SCTR: variants seen among roughly 807,000 people sequenced by gnomAD.
SCTR encodes pancreatic secretin receptor.
SCTR carries 56 observed loss-of-function variants against 60.8 expected under a neutral mutation model. That is an observed-to-expected ratio of 0.92 (90% CI 0.74 to 1.15). The LOEUF (loss-of-function observed/expected upper bound fraction) is 1.15, where lower values mean the gene tolerates loss of function less well. Ranked by LOEUF, SCTR falls within the 50% of genes most tolerant of loss-of-function variation. SCTR has a pLI of 0.00. For synonymous variants in SCTR, 202 were observed against 217.0 expected (o/e 0.93, Z 0.61); for missense variants, 562 against 550.4 (o/e 1.02, Z -0.21).
rs61231248 is a variant in SCTR at position 119,521,905 on chromosome 2, T to A, written c.72+2250A>T. ...GAGTTCTCAGCCAAGAAGTGTGAGA[T>A]CTAAGGTCTACAGAAGCCGTAAAAT... On this transcript the variant is annotated intron_variant, in intron 1 of 12. Transcript: ENST00000019103. Among the ~76,000 whole-genome samples, 114 of 152,004 alleles carry A rather than the reference T, an allele frequency of 7.5e-4. 1 individual carries two copies. The East Asian group carries it at 0.015, about 20-fold the overall frequency.
chr2:119,503,321 C>A (rs1449358538), intron 1 of SCTR, among the ~76,000 whole-genome samples: 1 of 152,032 alleles, frequency 6.6e-6, no homozygotes, highest in African/African-American at 2.4e-5. Context: ...AATCTCAGCA[C>A]TTTAGGAGGC....
At chr2:119,444,346 T>A (rs1427207443) in intron 11 of SCTR, among the ~76,000 whole-genome samples, 1 of 147,922 alleles carries the variant, frequency 6.8e-6, no homozygotes, top group Non-Finnish European at 1.5e-5. Context: ...TATACACATA[T>A]ATACGTATGA....
At chr2:119,513,703 G>A (rs1200588123) in intron 1 of SCTR, among the ~76,000 whole-genome samples, 5 of 152,050 alleles carry the variant, frequency 3.3e-5, no homozygotes, top group Non-Finnish European at 7.4e-5. Flanking sequence ...AAAATTCACA[G>A]GCCTTCACCT....
At chr2:119,458,639 T>C (rs1683476831) in intron 7 of SCTR, among the ~76,000 whole-genome samples, 1 of 152,146 alleles carries the variant, frequency 6.6e-6, no homozygotes, top group Admixed American at 6.5e-5. Flanking sequence ...TCTTAGTGCT[T>C]TGGGCAAAGA....
chr2:119,461,710 TCAAA>T lies in SCTR; in HGVS notation c.790+133_790+136del. 8.8e-6 allele frequency: 4 copies of T among 452,500 alleles called. No individual in the cohort carries two copies. In the East Asian group the frequency reaches 1.7e-4, roughly 19 times the overall value. 28.0% of individuals were successfully genotyped at this position (452,500 alleles called of 1,614,324 possible). On this transcript the variant is annotated intron_variant, in intron 7 of 12. Transcript: ENST00000019103. ...TGGGCAACAAGAGCAAAACTCCAAC[TCAAA>T]AAAAAAAAAAAAAAAAAAGATTACA...
intron 1 of SCTR, among the ~76,000 whole-genome samples, chr2:119,501,150 C>A (rs1394469220): frequency 3.3e-5 from 5 of 152,152 alleles, no homozygotes; most frequent in African/African-American, 1.2e-4. Flanking sequence ...GTGGCTCATG[C>A]CTGTAATCCC....
intron 1 of SCTR, among the ~76,000 whole-genome samples, chr2:119,510,439 G>A (rs763620036): frequency 1.1e-4 from 16 of 152,130 alleles, no homozygotes; most frequent in East Asian, 1.9e-4. Context: ...TGCTGGGAGC[G>A]CCTGGGAAGA....
At position 119,446,883 on chromosome 2, in the gene SCTR, C is replaced by T. The variant is rs778244105; in HGVS notation, c.1016G>A (p.Arg339His). ...TRGNEVSHYK[R>H]LARSTLLLIP... ...CAGCAGGAGAGTGGACCTGGCCAGG[C>T]GCCTGGGGACACAGAAAGCCTGTAG... is the stretch of plus-strand genomic sequence containing the variant. The change falls in exon 11 of 13, where the codon CGC becomes CAC. Residue 339 changes from arginine to histidine, a missense_variant and splice_region_variant. Transcript: ENST00000019103. The T allele has an allele frequency of 4.3e-5, 66 of 1,517,548 alleles. 1 individual carries two copies. Among genetic ancestry groups the T allele is most frequent in the East Asian group, 7.4e-5 (3 of 40,292 alleles). 94.0% of individuals were successfully genotyped at this position (1,517,548 alleles called of 1,614,324 possible). A position where few individuals can be genotyped will look rare whatever the true frequency, so the allele number is the denominator to read the frequency against.
At chr2:119,479,061 G>A in intron 2 of SCTR, 143 bp from the exon 3 acceptor site, 1 of 1,473,426 alleles carries the variant, frequency 6.8e-7, no homozygotes, top group Non-Finnish European at 9.0e-7. Context: ...TGACTCCTCA[G>A]GATCAGGAAC....
chr2:119,461,919 G>A lies in SCTR; in HGVS notation c.718C>T (p.Leu240Phe). 1.2e-6 allele frequency: 2 copies of A among 1,614,022 alleles called. No individual in the cohort carries two copies. The highest frequency in any genetic ancestry group is 2.2e-5 in the East Asian group (1 of 44,868). ...YSWLLVEGLY[L>F]HTLLAISFFS... ...AAGGAGATGGCGAGGAGTGTGTGAA[G>A]GTAGAGGCCTTCCACCAGCAGCCAG... The change falls in exon 7 of 13, where the codon CTT (leucine) becomes TTT (phenylalanine). Residue 240 changes from leucine to phenylalanine, a missense_variant. Transcript: ENST00000019103.
chr2:119,505,132 G>A (rs947080155), intron 1 of SCTR, among the ~76,000 whole-genome samples: 4 of 152,088 alleles, frequency 2.6e-5, no homozygotes, highest in Non-Finnish European at 4.4e-5. Flanking sequence ...CGATTCCTCA[G>A]GGATCTAGAA....
chr2:119,446,534 A>C (rs1008279689), intron 11 of SCTR, among the ~76,000 whole-genome samples: 2 of 152,236 alleles, frequency 1.3e-5, no homozygotes, highest in Non-Finnish European at 2.9e-5. Flanking sequence ...ATTTTCCCTG[A>C]AGTCAGTCTC....
intron 12 of SCTR, 123 bp from the exon 13 acceptor site, chr2:119,440,380 C>T: frequency 4.5e-6 from 5 of 1,101,094 alleles, no homozygotes; most frequent in Non-Finnish European, 6.4e-6. Flanking sequence ...TGTCCCCTAG[C>T]CTGCAGGCCA....
intron 11 of SCTR, among the ~76,000 whole-genome samples, chr2:119,444,398 T>C (rs1682806327): frequency 6.8e-6 from 1 of 146,154 alleles, no homozygotes; most frequent in Non-Finnish European, 1.5e-5. Flanking sequence ...TATACACATA[T>C]ACGTATGAAT....
intron 11 of SCTR, among the ~76,000 whole-genome samples, chr2:119,443,226 C>T (rs1207744941): frequency 6.6e-6 from 1 of 152,138 alleles, no homozygotes; most frequent in Non-Finnish European, 1.5e-5. Context: ...TACTAATTTC[C>T]ACCGTGATTC....
chr2:119,489,865 C>T (rs774640359), intron 2 of SCTR, among the ~76,000 whole-genome samples: 1 of 152,176 alleles, frequency 6.6e-6, no homozygotes, highest in Non-Finnish European at 1.5e-5. Flanking sequence ...AACAGTGGGA[C>T]ATTTTAAACA....
Position 119,501,359 on chromosome 2 carries a change from G to A in SCTR, c.73-6811C>T, listed in dbSNP as rs564502500. Among the ~76,000 whole-genome samples, 31 of 151,636 alleles carry A rather than the reference G, an allele frequency of 2.0e-4. 1 individual carries two copies. Among genetic ancestry groups the A allele is most frequent in the Admixed American group, 4.6e-4 (7 of 15,208 alleles). On this transcript the variant is annotated intron_variant, in intron 1 of 12. Transcript: ENST00000019103. Reference sequence around the variant, plus strand: ...TGGTAGGTGGAGCTTGCAGTAAGCCGAGATCATGCCACTGCACTCCAGCCT... The same window carrying A: ...TGGTAGGTGGAGCTTGCAGTAAGCCAAGATCATGCCACTGCACTCCAGCCT...
chr2:119,451,147 A>G (rs919458228), intron 9 of SCTR, among the ~76,000 whole-genome samples: 5 of 152,118 alleles, frequency 3.3e-5, no homozygotes, highest in Non-Finnish European at 7.4e-5. Flanking sequence ...TACCCCACGC[A>G]GGTGAGCCTG....
intron 1 of SCTR, among the ~76,000 whole-genome samples, chr2:119,520,316 C>T (rs1275304422): frequency 6.6e-6 from 1 of 152,022 alleles, no homozygotes; most frequent in Non-Finnish European, 1.5e-5. Flanking sequence ...ACCTGGGAGA[C>T]ATGGTGAGAC....
Sources: allele counts gnomAD v4.1 joint callset (sites outside exome capture counted in the v4.1 genomes callset), GRCh38; gene constraint gnomAD v4.1.1; transcripts MANE v1.5; gene names NCBI Gene and HGNC (gene_info 2026-07-23, HGNC 2026-07-21).